The following TTLL12 variants were observed in gnomAD, a reference collection of about 807,000 sequenced individuals.
TTLL12 encodes tubulin tyrosine ligase like 12.
Under a neutral mutation model 79.6 loss-of-function variants are expected in TTLL12, and 77 were observed. The ratio of observed to expected loss-of-function variants is 0.97; its 90% CI spans 0.81 to 1.17. The LOEUF (loss-of-function observed/expected upper bound fraction) is 1.17. TTLL12 is among the 50% of genes most tolerant of loss of function. The pLI, the probability that TTLL12 is intolerant of heterozygous loss-of-function variation, is 0.00. For synonymous variants in TTLL12, 437 were observed against 376.1 expected (o/e 1.16, Z -1.87); for missense variants, 969 against 895.9 (o/e 1.08, Z -1.04).
Position 43,180,818 on chromosome 22 carries a change from A to G in TTLL12, c.470T>C (p.Leu157Pro). Residue 157 changes from leucine to proline, a missense_variant, in exon 3 of 14, where the codon CTG becomes CCG. Leu to Pro is a moderately conservative substitution (Grantham distance 98, BLOSUM62 -3). Coordinates refer to ENST00000216129, the MANE Select transcript of TTLL12 (RefSeq NM_015140.4). ...NLMGIEFHGE[L>P]PSTEAVALVL... ...CAGGGCCACAGCCTCTGTACTGGGC[A>G]GCTCACCGTGGAACTCAATGCCCAT... is the stretch of plus-strand genomic sequence containing the variant. 1 of 1,613,204 alleles carries G rather than the reference A, an allele frequency of 6.2e-7. No homozygotes were observed. Among genetic ancestry groups the G allele is most frequent in the Non-Finnish European group, 8.5e-7 (1 of 1,179,996 alleles).
rs1344262537 is a variant in TTLL12 at position 43,186,947 on chromosome 22, A to G, written c.123T>C (p.Ala41=). The G allele has an allele frequency of 2.4e-5, 33 of 1,363,162 alleles. No homozygotes were observed. The highest frequency in any genetic ancestry group is 3.1e-5 in the Non-Finnish European group (33 of 1,055,072). 84.4% of individuals were successfully genotyped at this position (1,363,162 alleles called of 1,614,324 possible). The change falls in exon 1 of 14, where the codon GCT becomes GCC. Residue 41 remains alanine, a synonymous_variant. Coordinates refer to ENST00000216129, the MANE Select transcript of TTLL12 (RefSeq NM_015140.4). ...CCCAGTAACGTTCGGGGACCCCCGA[A>G]GCGCGCAGCGCCGGGCCGTGCAGCG... is the stretch of plus-strand genomic sequence containing the variant. ...FAALHGPALR[A]SGVPERYWGR...
intron 8 of TTLL12, 111 bp from the exon 9 acceptor site, chr22:43,173,937 G>T (rs974297077): frequency 9.5e-7 from 1 of 1,055,746 alleles, no homozygotes; most frequent in South Asian, 1.5e-5. Context: ...TGGGAGCTGA[G>T]GGGGCACCAG....
At position 43,179,703 on chromosome 22, in the gene TTLL12, C is replaced by A. The variant is rs779635735; in HGVS notation, c.756G>T (p.Arg252=). 2 of 1,568,468 alleles carry A rather than the reference C, an allele frequency of 1.3e-6. No individual in the cohort carries two copies. Among genetic ancestry groups the A allele is most frequent in the South Asian group, 2.3e-5 (2 of 85,362 alleles). The change falls in exon 5 of 14, where the codon CGG becomes CGT. Residue 252 remains arginine (R), a synonymous_variant. Coordinates refer to ENST00000216129, the MANE Select transcript of TTLL12 (RefSeq NM_015140.4). ...GGGCCCAGGGCAGCAGCATGCACTT[C>A]CGGATCAGGGGGTCCGTCTCTCCGT... is the stretch of plus-strand genomic sequence containing the variant. The part of the protein sequence containing the change: ...FAYGETDPLI[R]KCMLLPWAPT...
Position 43,180,825 on chromosome 22 carries a change from C to G in TTLL12, c.463G>C (p.Gly155Arg), listed in dbSNP as rs138301138. ...MANLMGIEFH[G>R]ELPSTEAVAL... Reference sequence around the variant, plus strand: ...ACAGCCTCTGTACTGGGCAGCTCACCGTGGAACTCAATGCCCATCAGGTTG... The same window carrying G: ...ACAGCCTCTGTACTGGGCAGCTCACGGTGGAACTCAATGCCCATCAGGTTG... The change falls in exon 3 of 14, where the codon GGT becomes CGT. Residue 155 changes from glycine to arginine, a missense_variant. Coordinates refer to ENST00000216129, the MANE Select transcript of TTLL12 (RefSeq NM_015140.4). The G allele has an allele frequency of 1.2e-4, 188 of 1,613,176 alleles. 1 individual carries two copies. The East Asian group carries it at 3.8e-3, about 33-fold the overall frequency.
chr22:43,168,192 C>A, intron 13 of TTLL12, 33 bp from the exon 14 acceptor site: 1 of 1,605,562 alleles, frequency 6.2e-7, no homozygotes, highest in Admixed American at 1.7e-5. Context: ...AGTGTGAAGG[C>A]TCGTTGGCCT....
At chr22:43,184,609 A>G (rs192897782) in intron 1 of TTLL12, among the ~76,000 whole-genome samples, 3 of 152,328 alleles carry the variant, frequency 2.0e-5, no homozygotes, top group African/African-American at 7.2e-5. Context: ...CTGAGACAAG[A>G]GCCATCCAGT....
Position 43,179,713 on chromosome 22 carries a change from G to T in TTLL12, c.746C>A (p.Pro249His), listed in dbSNP as rs1163338872. 1.3e-6 allele frequency: 2 copies of T among 1,566,452 alleles called. No individual in the cohort carries two copies. Among genetic ancestry groups the T allele is most frequent in the African/African-American group, 1.4e-5 (1 of 73,048 alleles). The change falls in exon 5 of 14, where the codon CCC becomes CAC. Residue 249 changes from proline (P) to histidine (H), a missense_variant. By Grantham distance (77) the Pro-to-His change is moderately conservative (BLOSUM62 -2). Transcript: ENST00000216129. ...CAGCAGCATGCACTTCCGGATCAGG[G>T]GGTCCGTCTCTCCGTAGGCAAAGTC... ...TRDFAYGETD[P>H]LIRKCMLLPW...
rs983939283 is a variant in TTLL12 at position 43,180,729 on chromosome 22, G to T, written c.546+13C>A. On this transcript the variant is annotated intron_variant, in intron 3 of 13. Coordinates refer to ENST00000216129, the MANE Select transcript of TTLL12 (RefSeq NM_015140.4). The stretch of plus-strand genomic sequence containing the variant: ...CTGTCCTCCCCCTCCCCGGGGCCCA[G>T]CTACCCACTCACCCCATGGGCCAGC... 1 of 1,612,326 alleles carries T rather than the reference G, an allele frequency of 6.2e-7. No homozygotes were observed. The highest frequency in any genetic ancestry group is 1.3e-5 in the African/African-American group (1 of 74,920).
chr22:43,172,423 G>C lies in TTLL12; in HGVS notation c.1473C>G (p.Phe491Leu). The C allele has an allele frequency of 6.2e-7, 1 of 1,614,168 alleles. No individual in the cohort carries two copies. The highest frequency in any genetic ancestry group is 8.5e-7 in the Non-Finnish European group (1 of 1,180,030). ...CTTACCGGTTGGAGAACCGCAGCCA[G>C]AACACATCATACACGAACAACCGTA... The part of the protein sequence containing the change: ...RPLRLFVYDV[F>L]WLRFSNRAFA... Residue 491 changes from phenylalanine to leucine, a missense_variant, in exon 10 of 14, where the codon TTC (phenylalanine) becomes TTG (leucine). Phe to Leu is a conservative substitution (Grantham distance 22, BLOSUM62 0). Transcript: ENST00000216129.
rs1490004268 is a variant in TTLL12 at position 43,186,935 on chromosome 22, G to C, written c.135C>G (p.Pro45=). The change falls in exon 1 of 14, where the codon CCC becomes CCG. Residue 45 remains proline (P), a synonymous_variant. Transcript: ENST00000216129. ...GCAGGAGGCGGCCCCAGTAACGTTC[G>C]GGGACCCCCGAAGCGCGCAGCGCCG... ...HGPALRASGV[P]ERYWGRLLHK... 1 of 1,365,402 alleles carries C rather than the reference G, an allele frequency of 7.3e-7. No homozygotes were observed. Among genetic ancestry groups the C allele is most frequent in the African/African-American group, 1.5e-5 (1 of 65,138 alleles). The allele number at this position is 1,365,402 out of a possible 1,614,324, so 84.6% of individuals were successfully genotyped here.
chr22:43,183,080 C>A lies in TTLL12; in HGVS notation c.247G>T (p.Ala83Ser). 6.2e-7 allele frequency: 1 copy of A among 1,614,044 alleles called. No individual in the cohort carries two copies. Among genetic ancestry groups the A allele is most frequent in the Non-Finnish European group, 8.5e-7 (1 of 1,180,010 alleles). Reference protein sequence around the residue: ...EEVEEEEDEAAREVRKQQPNP... With the variant: ...EEVEEEEDEASREVRKQQPNP... ...GGCTGCTGCTTCCGCACCTCCCGGG[C>A]TGCCTCGTCCTCCTCCTCTTCTACC... Residue 83 changes from alanine to serine, a missense_variant, in exon 2 of 14, where the codon GCC (alanine) becomes TCC (serine). Physicochemically the swap from Ala to Ser is moderately conservative, Grantham distance 99. Coordinates refer to ENST00000216129, the MANE Select transcript of TTLL12 (RefSeq NM_015140.4).
chr22:43,183,768 G>A lies in TTLL12; in HGVS notation c.178-619C>T, dbSNP rs73163923. 7.2e-3 allele frequency among the ~76,000 whole-genome samples: 1,096 copies of A among 152,376 alleles called. 5 individuals carry two copies. Among genetic ancestry groups the A allele is most frequent in the Non-Finnish European group, 0.011 (759 of 68,028 alleles). On this transcript the variant is annotated intron_variant, in intron 1 of 13. Coordinates refer to ENST00000216129, the MANE Select transcript of TTLL12 (RefSeq NM_015140.4). ...AAGCAGGCAAGTGACCTCTTCTGGT[G>A]TGTGTGGAGCAGAGGGGTCCCTGGC...
At chr22:43,182,944 T>C (rs1601776565) in intron 2 of TTLL12, 36 bp downstream of exon 2, 1 of 1,600,642 alleles carries the variant, frequency 6.2e-7, no homozygotes, top group East Asian at 2.2e-5. Context: ...TTTCACCAAG[T>C]GAAGGTTGTG....
In TTLL12 at chr22:43,174,562, G is replaced by A. The variant is rs750868283; in HGVS notation, c.971C>T (p.Thr324Ile). ...GGCGTCCGCCTCACTCTGGGTGAGGGTGAAGCGCGGGTGGGTGAGGCTGCT... is the reference window on the plus strand; with the variant it reads ...GGCGTCCGCCTCACTCTGGGTGAGGATGAAGCGCGGGTGGGTGAGGCTGCT... ...VASSLTHPRFTLTQSEADADI... is the reference protein window; with the variant it reads ...VASSLTHPRFILTQSEADADI... Residue 324 changes from threonine (T) to isoleucine (I), a missense_variant, in exon 7 of 14, where the codon ACC becomes ATC. Physicochemically the swap from Thr to Ile is moderately conservative, Grantham distance 89. Coordinates refer to ENST00000216129, the MANE Select transcript of TTLL12 (RefSeq NM_015140.4). 2 of 1,613,346 alleles carry A rather than the reference G, an allele frequency of 1.2e-6. No homozygotes were observed. Among genetic ancestry groups the A allele is most frequent in the Admixed American group, 3.3e-5 (2 of 59,946 alleles).
intron 11 of TTLL12, chr22:43,169,805 G>T: frequency 1.6e-6 from 1 of 608,286 alleles, no homozygotes; most frequent in Non-Finnish European, 3.1e-6. Context: ...TTCCTCCTCT[G>T]TGAAATGGGA....
chr22:43,169,011 A>G, intron 12 of TTLL12, 99 bp from the exon 13 acceptor site: 1 of 1,433,010 alleles, frequency 7.0e-7, no homozygotes, highest in Non-Finnish European at 9.3e-7. Context: ...ACGTGGCCCA[A>G]GTCACCCCCT....
rs1194059991 is a variant in TTLL12, at chr22:43,182,971, G to A, written c.347+9C>T. 1 of 1,611,870 alleles carries A rather than the reference G, an allele frequency of 6.2e-7. No homozygotes were observed. The highest frequency in any genetic ancestry group is 1.3e-5 in the African/African-American group (1 of 75,014). On this transcript the variant is annotated intron_variant, in intron 2 of 13. Coordinates refer to ENST00000216129, the MANE Select transcript of TTLL12 (RefSeq NM_015140.4). ...AAGGTTGTGGTGGTGTCTCTGGCCA[G>A]GCTCCTACCTGTTGGGGTGGGCTGC...
chr22:43,170,685 C>T (rs956170601), intron 11 of TTLL12, among the ~76,000 whole-genome samples: 4 of 152,072 alleles, frequency 2.6e-5, no homozygotes, highest in Non-Finnish European at 4.4e-5. Context: ...CTGAGGCAGG[C>T]GGAGCGCTTG....
In TTLL12 at chr22:43,168,127, C is replaced by T. The variant is rs773821271; in HGVS notation, c.1816G>A (p.Val606Met). ...RRVMQPQILE[V>M]NFNPDCERAC... The stretch of plus-strand genomic sequence containing the variant: ...CGCTCACAGTCGGGGTTGAAGTTCA[C>T]CTCCAGGATCTGCGGCTGCATCACC... The change falls in exon 14 of 14, where the codon GTG becomes ATG. Residue 606 changes from valine (V) to methionine (M), a missense_variant. By Grantham distance (21) the Val-to-Met change is conservative. Transcript: ENST00000216129. 2 of 1,614,150 alleles carry T rather than the reference C, an allele frequency of 1.2e-6. No homozygotes were observed. The highest frequency in any genetic ancestry group is 2.2e-5 in the East Asian group (1 of 44,884).
Sources: gnomAD v4.1 joint callset for allele counts (sites outside exome capture counted in the v4.1 genomes callset) on GRCh38, gnomAD v4.1.1 for gene constraint, MANE v1.5 for transcripts, NCBI Gene and HGNC (gene_info 2026-07-23, HGNC 2026-07-21) for gene names.